The following KALRN variants were observed in gnomAD, a reference collection of about 807,000 sequenced individuals.
KALRN encodes the protein kalirin RhoGEF kinase.
Under a neutral mutation model 353.7 loss-of-function variants are expected in KALRN, and 70 were observed. The observed-to-expected ratio is 0.20, with a 90% confidence interval of 0.16 to 0.24. The LOEUF (loss-of-function observed/expected upper bound fraction) is 0.24, where lower values mean the gene tolerates loss of function less well. Among genes scored for constraint, KALRN ranks in the 10% least tolerant of loss-of-function variants. KALRN has a pLI of 1.00. For missense variants in KALRN, 2,791 were observed against 3,756.7 expected (o/e 0.74, Z 6.72); for synonymous variants, 1,391 against 1,434.8 (o/e 0.97, Z 0.69).
At chr3:124,177,480 G>A (rs1709681616) in intron 1 of KALRN, among the ~76,000 whole-genome samples, 2 of 152,192 alleles carry the variant, frequency 1.3e-5, no homozygotes, top group African/African-American at 4.8e-5. Flanking sequence ...AGATGGACCA[G>A]GATGACTGGA....
intron 1 of KALRN, among the ~76,000 whole-genome samples, chr3:124,095,123 A>G (rs2061357932): frequency 6.6e-6 from 1 of 152,144 alleles, no homozygotes; most frequent in African/African-American, 2.4e-5. Context: ...GCACAGGGTC[A>G]TTTGGGGAGC....
intron 5 of KALRN, among the ~76,000 whole-genome samples, chr3:124,270,520 A>G (rs905870128): frequency 6.6e-6 from 1 of 152,190 alleles, no homozygotes; most frequent in African/African-American, 2.4e-5. Context: ...AAAAATTAGT[A>G]TATGCAGTTT....
At chr3:124,121,075 C>A (rs1578279751) in intron 1 of KALRN, among the ~76,000 whole-genome samples, 1 of 107,860 alleles carries the variant, frequency 9.3e-6, no homozygotes, top group Admixed American at 1.5e-4. Context: ...GCCTGGGCAA[C>A]AGAGTGAGAC....
chr3:124,395,096 C>G, intron 11 of KALRN, 39 bp from the exon 12 acceptor site: 2 of 1,562,506 alleles, frequency 1.3e-6, no homozygotes, highest in South Asian at 2.3e-5. Context: ...CTGGCCTCTC[C>G]CATCTTCCCT....
At chr3:124,303,812 A>C (rs1329055743) in intron 6 of KALRN, among the ~76,000 whole-genome samples, 1 of 152,214 alleles carries the variant, frequency 6.6e-6, no homozygotes, top group African/African-American at 2.4e-5. Flanking sequence ...CGCCAAAGGC[A>C]CATATTGCCA....
intron 33 of KALRN, among the ~76,000 whole-genome samples, chr3:124,524,782 T>C (rs895976822): frequency 6.6e-6 from 1 of 152,188 alleles, no homozygotes; most frequent in Non-Finnish European, 1.5e-5. Context: ...AGGATGAGTC[T>C]CTTAAATATA....
intron 1 of KALRN, among the ~76,000 whole-genome samples, chr3:124,212,221 G>C (rs887154375): frequency 2.1e-5 from 3 of 144,564 alleles, no homozygotes; most frequent in African/African-American, 7.9e-5. Flanking sequence ...CTATAGAAAA[G>C]TGTAAAAAAA....
chr3:124,072,305 C>G (rs1403717774), intron 1 of KALRN, among the ~76,000 whole-genome samples: 1 of 152,212 alleles, frequency 6.6e-6, no homozygotes, highest in South Asian at 2.1e-4. Context: ...CCTGTATCTG[C>G]TCTCTGTGTC....
intron 1 of KALRN, among the ~76,000 whole-genome samples, chr3:124,119,638 A>T (rs1253864860): frequency 6.6e-6 from 1 of 152,226 alleles, no homozygotes; most frequent in South Asian, 2.1e-4. Context: ...ATGAGCAGGG[A>T]TCAGATCATT....
At chr3:124,052,642 A>G (rs1299157737) in intron 1 of KALRN, among the ~76,000 whole-genome samples, 2 of 152,110 alleles carry the variant, frequency 1.3e-5, no homozygotes, top group African/African-American at 2.4e-5. Flanking sequence ...CCTTCCATGC[A>G]GAACTCTCCT....
Position 124,298,745 on chromosome 3 carries a change from G to A in KALRN, c.970-46G>A, listed in dbSNP as rs762350699. ...TAGCTCTGAAAGTTTTGCCCTATTC[G>A]ACCCATGACCATTCTGATTATGCTG... On this transcript the variant is annotated intron_variant, in intron 5 of 59. Transcript: ENST00000682506. 3.1e-6 allele frequency: 5 copies of A among 1,611,276 alleles called. No homozygotes were observed. In the African/African-American group the frequency reaches 6.7e-5, roughly 22 times the overall value.
chr3:124,500,065 G>A (rs1280678374), intron 33 of KALRN, among the ~76,000 whole-genome samples: 1 of 152,124 alleles, frequency 6.6e-6, no homozygotes, highest in African/African-American at 2.4e-5. Context: ...TGTAAACATG[G>A]CTCCTTGTTC....
intron 34 of KALRN, among the ~76,000 whole-genome samples, chr3:124,612,826 C>A (rs1245476134): frequency 6.6e-6 from 1 of 152,166 alleles, no homozygotes; most frequent in South Asian, 2.1e-4. Context: ...AAGCACTCAA[C>A]AAGCATGTGT....
intron 46 of KALRN, 52 bp from the exon 47 acceptor site, chr3:124,666,960 G>C: frequency 6.5e-7 from 1 of 1,542,858 alleles, no homozygotes; most frequent in Non-Finnish European, 8.8e-7. Flanking sequence ...ATATGTTGCT[G>C]ATTTTTAAAA....
At chr3:124,171,730 C>A (rs2071874709) in intron 1 of KALRN, among the ~76,000 whole-genome samples, 1 of 152,178 alleles carries the variant, frequency 6.6e-6, no homozygotes, top group Non-Finnish European at 1.5e-5. Flanking sequence ...TTTTCTGATC[C>A]TCCCTTAAGT....
At chr3:124,450,667 AT>A (rs1193803690) in intron 21 of KALRN, among the ~76,000 whole-genome samples, 1 of 150,030 alleles carries the variant, frequency 6.7e-6, no homozygotes, top group Admixed American at 6.7e-5. Context: ...GGTTCAAGTG[AT>A]TCTCCTGCCT....
At chr3:124,672,144 C>T (rs1309588669) in intron 48 of KALRN, among the ~76,000 whole-genome samples, 1 of 152,206 alleles carries the variant, frequency 6.6e-6, no homozygotes, top group Admixed American at 6.5e-5. Flanking sequence ...GATGGGGTTT[C>T]ACCATGTTGG....
chr3:124,073,575 A>C (rs1224403002), intron 1 of KALRN, among the ~76,000 whole-genome samples: 2 of 152,186 alleles, frequency 1.3e-5, no homozygotes, highest in Admixed American at 6.5e-5. Flanking sequence ...ACTGAGGAGA[A>C]AATATAAAAA....
intron 13 of KALRN, among the ~76,000 whole-genome samples, chr3:124,407,285 ATTG>A (rs753718717): frequency 6.6e-6 from 1 of 152,088 alleles, no homozygotes; most frequent in East Asian, 1.9e-4. Flanking sequence ...AGTAGTCAGC[ATTG>A]TTATTATTAT....
Sources: gnomAD v4.1 joint callset for allele counts (sites outside exome capture counted in the v4.1 genomes callset) on GRCh38, gnomAD v4.1.1 for gene constraint, MANE v1.5 for transcripts, NCBI Gene and HGNC (gene_info 2026-07-23, HGNC 2026-07-21) for gene names.